ABHD2: variants seen among roughly 807,000 people sequenced by gnomAD.
ABHD2 encodes the protein monoacylglycerol lipase ABHD2.
In ABHD2, 20 loss-of-function variants were observed where a neutral mutation model predicts 48.1. The observed-to-expected ratio is 0.42, with a 90% CI of 0.29 to 0.60. The LOEUF (loss-of-function observed/expected upper bound fraction) is 0.60. ABHD2 is among the 20% of genes least tolerant of loss of function. The probability of loss-of-function intolerance (pLI) is 0.24; values close to 1 mark genes in which losing one functional copy is unlikely to be tolerated. For missense variants in ABHD2, 405 were observed against 550.9 expected (o/e 0.74, Z 2.65); for synonymous variants, 209 against 214.2 (o/e 0.98, Z 0.21).
intron 1 of ABHD2, among the ~76,000 whole-genome samples, chr15:89,110,038 T>C (rs1042183663): frequency 2.0e-5 from 3 of 152,222 alleles, no homozygotes; most frequent in Admixed American, 2.0e-4. Flanking sequence ...AATACTGTAT[T>C]GCTTTTATTT....
At position 89,193,218 on chromosome 15, in the gene ABHD2, T is replaced by C. The variant is rs777093596; in HGVS notation, c.997-17T>C. On this transcript the variant is annotated splice_polypyrimidine_tract_variant and intron_variant, in intron 9 of 10. Transcript: ENST00000352732. ...TGGGAATCAGTAGTTTAATTCTGCT[T>C]TATGTTCTTGTTGCAGATTTATGTT... 14 of 1,612,600 alleles carry C rather than the reference T, an allele frequency of 8.7e-6. No individual in the cohort carries two copies. The highest frequency in any genetic ancestry group is 1.2e-5 in the Non-Finnish European group (14 of 1,178,540).
the ABHD2 span, among the ~76,000 whole-genome samples, chr15:89,055,306 A>C: frequency 6.6e-6 from 1 of 151,536 alleles, no homozygotes; most frequent in Non-Finnish European, 1.5e-5. Flanking sequence ...TCTCCCACAA[A>C]AGTAAAACAC....
At chr15:89,145,920 T>A (rs2050484191) in intron 3 of ABHD2, among the ~76,000 whole-genome samples, 1 of 152,242 alleles carries the variant, frequency 6.6e-6, no homozygotes, top group African/African-American at 2.4e-5. Flanking sequence ...TCCTTCTGTG[T>A]ACTCCTTTCT....
the ABHD2 span, among the ~76,000 whole-genome samples, chr15:89,059,539 A>G: frequency 6.6e-6 from 1 of 152,126 alleles, no homozygotes; most frequent in East Asian, 1.9e-4. Context: ...AGTGGTATGG[A>G]TGAAATGAAA....
the ABHD2 span, among the ~76,000 whole-genome samples, chr15:89,064,826 T>G: frequency 6.6e-6 from 1 of 152,108 alleles, no homozygotes; most frequent in African/African-American, 2.4e-5. Flanking sequence ...ATATAATGTA[T>G]ATGTTAAGCT....
the ABHD2 span, among the ~76,000 whole-genome samples, chr15:89,073,155 C>G: frequency 6.6e-6 from 1 of 152,110 alleles, no homozygotes; most frequent in African/African-American, 2.4e-5. Flanking sequence ...AAAGAATATA[C>G]TCAGAAAATT....
chr15:89,102,426 G>A lies in ABHD2; in HGVS notation c.-106-11299G>A, dbSNP rs2049715509. The A allele has an allele frequency of 6.6e-6, 1 of 152,202 alleles. No homozygotes were observed. The highest frequency in any genetic ancestry group is 6.5e-5 in the Admixed American group (1 of 15,286). 9.4% of individuals were successfully genotyped at this position (152,202 alleles called of 1,614,324 possible). On this transcript the variant is annotated intron_variant, in intron 1 of 10. Transcript: ENST00000352732. The surrounding 1 kb of genome is among the most constrained non-coding windows in gnomAD (Gnocchi z 4.8). ...TAGAGTGATGTCTTTCGTCCCTGTG[G>A]GGAGTGAGGTGGAATGTCAGGAGGG...
At chr15:89,135,818 G>A in intron 3 of ABHD2, 1 of 770,016 alleles carries the variant, frequency 1.3e-6, no homozygotes, top group South Asian at 1.4e-5. Flanking sequence ...GGACAGGCCA[G>A]ATGTTCTCCT....
At position 89,137,340 on chromosome 15, in the gene ABHD2, G is replaced by A. The variant is rs550943338; in HGVS notation, c.195-14337G>A. On this transcript the variant is annotated intron_variant, in intron 3 of 10. Coordinates refer to ENST00000352732, the MANE Select transcript of ABHD2 (RefSeq NM_152924.5). The surrounding 1 kb of genome is among the most constrained non-coding windows in gnomAD (Gnocchi z 4.8). ...TTAACATGTGGATACAGTTCTGAGG[G>A]GTTTTAACTGGTTTTCTTTGAACTT... Among the ~76,000 whole-genome samples, 2 of 152,172 alleles carry A rather than the reference G, an allele frequency of 1.3e-5. No individual in the cohort carries two copies. Among genetic ancestry groups the A allele is most frequent in the South Asian group, 4.1e-4 (2 of 4,820 alleles).
At chr15:89,183,396 T>TATATATATATATATATAG (rs2051153851) in intron 6 of ABHD2, 1 of 101,228 alleles carries the variant, frequency 9.9e-6, no homozygotes, top group Non-Finnish European at 1.8e-5. Flanking sequence ...TATATATATA[T>TATATATATATATATATAG]ATATATATAT....
Position 89,094,387 on chromosome 15 carries a change from G to C in ABHD2, c.-107+5824G>C, listed in dbSNP as rs946192095. 1.3e-5 allele frequency: 2 copies of C among 152,160 alleles called. No homozygotes were observed. The highest frequency in any genetic ancestry group is 4.8e-5 in the African/African-American group (2 of 41,444). The allele number at this position is 152,160 out of a possible 1,614,324, so 9.4% of individuals were successfully genotyped here. ...AAACAAAAATCAGGAAGCCCAACAT[G>C]GATTGCTACATTTTAATTCTTTCAA... On this transcript the variant is annotated intron_variant, in intron 1 of 10. Transcript: ENST00000352732. The surrounding 1 kb of genome is among the most constrained non-coding windows in gnomAD (Gnocchi z 4.7).
In ABHD2 at chr15:89,174,463, C is replaced by T. The variant is rs74759358; in HGVS notation, c.539-1349C>T. On this transcript the variant is annotated intron_variant, in intron 5 of 10. Coordinates refer to ENST00000352732, the MANE Select transcript of ABHD2 (RefSeq NM_152924.5). The surrounding 1 kb of genome is among the most constrained non-coding windows in gnomAD (Gnocchi z 4.1). Reference sequence around the variant, plus strand: ...TCTCCAGGTGATTCTATGCACACTGCAGCTTAAGAACTGCATGGGGCTGTG... The same window carrying T: ...TCTCCAGGTGATTCTATGCACACTGTAGCTTAAGAACTGCATGGGGCTGTG... Among the ~76,000 whole-genome samples the T allele has an allele frequency of 1.1e-4, 17 of 152,332 alleles. No homozygotes were observed. In the East Asian group the frequency reaches 2.5e-3, roughly 22 times the overall value.
At chr15:89,127,688 A>G (rs2050150166) in intron 3 of ABHD2, among the ~76,000 whole-genome samples, 1 of 131,106 alleles carries the variant, frequency 7.6e-6, no homozygotes, top group Non-Finnish European at 1.5e-5. Flanking sequence ...GATTCTTCTC[A>G]GTGAATATAT....
intron 5 of ABHD2, among the ~76,000 whole-genome samples, chr15:89,160,807 C>G (rs1489685690): frequency 6.6e-6 from 1 of 152,144 alleles, no homozygotes; most frequent in Admixed American, 6.6e-5. Context: ...CACTCCTGGT[C>G]ACACTTTATT....
chr15:89,125,978 C>T (rs556104522), intron 3 of ABHD2, among the ~76,000 whole-genome samples: 9 of 152,146 alleles, frequency 5.9e-5, no homozygotes, highest in South Asian at 2.1e-4. Context: ...TCAAGACTCC[C>T]GTGATTTAGT....
chr15:89,141,917 T>C (rs1007898398), intron 3 of ABHD2, among the ~76,000 whole-genome samples: 2 of 152,342 alleles, frequency 1.3e-5, no homozygotes, highest in African/African-American at 4.8e-5. Context: ...TTGATATATT[T>C]TTAAAGGTAG....
intron 4 of ABHD2, among the ~76,000 whole-genome samples, chr15:89,152,071 A>T (rs1011171973): frequency 1.4e-5 from 2 of 141,706 alleles, no homozygotes; most frequent in Non-Finnish European, 3.0e-5. Context: ...AACTCATTGT[A>T]GAATAGTTTT....
Position 89,146,942 on chromosome 15 carries a change from GAAAAT to G in ABHD2, c.195-4729_195-4725del, listed in dbSNP as rs770880301. Reference sequence around the variant, plus strand: ...ACAAGCTAATCCTATAATTAATCTGGAAAATAAAATGCTGAAATCTGCCAAGAAAA... The same window carrying G: ...ACAAGCTAATCCTATAATTAATCTGGAAAATGCTGAAATCTGCCAAGAAAA... On this transcript the variant is annotated intron_variant, in intron 3 of 10. Transcript: ENST00000352732. This position sits in a 1 kb window ranked among gnomAD's most constrained non-coding sequence, Gnocchi z 4.2. Among the ~76,000 whole-genome samples, 4 of 152,186 alleles carry G rather than the reference GAAAAT, an allele frequency of 2.6e-5. No individual in the cohort carries two copies. The East Asian group carries it at 5.8e-4, about 22-fold the overall frequency.
In ABHD2 at chr15:89,097,295, A is replaced by G. The variant is rs182041553; in HGVS notation, c.-107+8732A>G. On this transcript the variant is annotated intron_variant, in intron 1 of 10. Coordinates refer to ENST00000352732, the MANE Select transcript of ABHD2 (RefSeq NM_152924.5). This position sits in a 1 kb window ranked among gnomAD's most constrained non-coding sequence, Gnocchi z 4.2. ...TTGAAATAGATCCCAAACATCATAT[A>G]GTTGCATCTGTAAATATTTCCATGA... Among the ~76,000 whole-genome samples the G allele has an allele frequency of 1.3e-5, 2 of 152,230 alleles. No individual in the cohort carries two copies. The highest frequency in any genetic ancestry group is 4.8e-5 in the African/African-American group (2 of 41,452).
Sources: allele counts gnomAD v4.1 joint callset (sites outside exome capture counted in the v4.1 genomes callset), GRCh38; gene constraint gnomAD v4.1.1; non-coding constraint Gnocchi (gnomAD v3.1); transcripts MANE v1.5; gene names NCBI Gene and HGNC (gene_info 2026-07-23, HGNC 2026-07-21).